Variants in TBL1Y observed in about 807,000 individuals in gnomAD.
The protein encoded by TBL1Y is transducin beta like 1 Y-linked.
A neutral mutation model predicts 12.0 loss-of-function variants in TBL1Y; 15 were observed. The ratio of observed to expected loss-of-function variants is 1.25; its 90% CI spans 0.83 to 1.92. The LOEUF (loss-of-function observed/expected upper bound fraction) is 1.92. Ranked by LOEUF, TBL1Y falls within the 40% of genes most tolerant of loss-of-function variation. The probability of loss-of-function intolerance (pLI) is 0.00; values close to 1 mark genes in which losing one functional copy is unlikely to be tolerated. For synonymous variants in TBL1Y, 53 were observed against 42.6 expected, an observed-to-expected ratio of 1.24 and a Z score of -0.95; for missense variants, 148 against 116.7, an observed-to-expected ratio of 1.27 and a Z score of -1.24.
chrY:7,075,124 A>G, intron 13 of TBL1Y, among the ~76,000 whole-genome samples: 1 of 32,840 alleles, frequency 3.0e-5, no homozygotes, highest in Non-Finnish European at 7.5e-5. Context: ...ATGGGAGGGT[A>G]ACCTCCAGGA....
At chrY:7,019,612 A>C in intron 4 of TBL1Y, among the ~76,000 whole-genome samples, 1 of 33,765 alleles carries the variant, frequency 3.0e-5, no homozygotes, top group African/African-American at 1.2e-4. Flanking sequence ...TTTACAAGCA[A>C]TTTGGAATTT....
At chrY:6,924,659 C>CA (rs2011814705) in intron 2 of TBL1Y, among the ~76,000 whole-genome samples, 1 of 31,301 alleles carries the variant, frequency 3.2e-5, no homozygotes, top group Non-Finnish European at 7.7e-5. Context: ...GTCTGCCATG[C>CA]AAAAATTGGT....
intron 5 of TBL1Y, 60 bp downstream of exon 5, chrY:7,021,597 C>A (rs1011556172): frequency 3.0e-5 from 1 of 33,520 alleles, no homozygotes; most frequent in East Asian, 7.9e-4. Context: ...ATTTCAGGAG[C>A]AAAACTGCAT....
intron 8 of TBL1Y, 31 bp from the exon 9 acceptor site, chrY:7,070,165 G>A: frequency 2.5e-6 from 1 of 395,507 alleles, no homozygotes; most frequent in Non-Finnish European, 3.6e-6. Context: ...GTATTGGTAA[G>A]CCATATGTCT....
intron 13 of TBL1Y, among the ~76,000 whole-genome samples, chrY:7,076,073 C>T (rs2013060783): frequency 3.2e-5 from 1 of 31,342 alleles, no homozygotes; most frequent in African/African-American, 1.3e-4. Context: ...CAATTAGAGG[C>T]ACCCGCCACC....
chrY:7,019,046 G>C (rs2012569498), intron 4 of TBL1Y, among the ~76,000 whole-genome samples: 1 of 33,151 alleles, frequency 3.0e-5, no homozygotes, highest in African/African-American at 1.2e-4. Context: ...CATGCCAAGA[G>C]GGGAGGACTA....
intron 2 of TBL1Y, among the ~76,000 whole-genome samples, chrY:6,977,217 G>A: frequency 3.0e-5 from 1 of 33,234 alleles, no homozygotes; most frequent in Admixed American, 2.8e-4. Context: ...TTAAGCAGGT[G>A]TAGACAGATT....
chrY:6,963,072 A>G (rs2012142505), intron 2 of TBL1Y, among the ~76,000 whole-genome samples: 1 of 33,342 alleles, frequency 3.0e-5, no homozygotes, highest in African/African-American at 1.2e-4. Flanking sequence ...TGATCTCTGC[A>G]TGCCACTGTT....
At chrY:6,912,688 G>A (rs2124088569) in intron 2 of TBL1Y, among the ~76,000 whole-genome samples, 1 of 32,488 alleles carries the variant, frequency 3.1e-5, no homozygotes, top group South Asian at 7.1e-4. Context: ...AAAGTTAGCA[G>A]GGATGATGCC....
At chrY:7,060,163 C>T in intron 7 of TBL1Y, among the ~76,000 whole-genome samples, 1 of 33,297 alleles carries the variant, frequency 3.0e-5, no homozygotes, top group Non-Finnish European at 7.4e-5. Context: ...TATTTTTACC[C>T]TTTTAATGTA....
intron 10 of TBL1Y, 142 bp downstream of exon 10, chrY:7,071,003 G>T (rs2013028179): frequency 5.1e-6 from 1 of 195,779 alleles, no homozygotes; most frequent in South Asian, 5.9e-5. Flanking sequence ...TAGCCACAGA[G>T]GTGGTCTTGG....
chrY:6,998,194 C>T, intron 4 of TBL1Y, among the ~76,000 whole-genome samples: 1 of 33,902 alleles, frequency 2.9e-5, no homozygotes, highest in Non-Finnish European at 7.3e-5. Context: ...AGCTGCCTAT[C>T]GCGTTCCTGT....
chrY:7,009,972 G>A lies in TBL1Y; in HGVS notation c.-139-11477G>A. Among the ~76,000 whole-genome samples the A allele has an allele frequency of 1.4e-4, 4 of 29,129 alleles. No homozygotes were observed. In the East Asian group the frequency reaches 2.7e-3, roughly 20 times the overall value. The allele number at this position is 29,129 out of a possible 37,273, so 78.2% of individuals were successfully genotyped here. A position where few individuals can be genotyped will look rare whatever the true frequency, so the allele number is the denominator to read the frequency against. ...CTGGAACCTGGAAAGTGGAGGTTGC[G>A]GTGATCTGAGTTTGTGCCATTGCAC... is the stretch of plus-strand genomic sequence containing the variant. On this transcript the variant is annotated intron_variant, in intron 4 of 18. Transcript: ENST00000383032.
chrY:7,064,639 G>C, intron 8 of TBL1Y, among the ~76,000 whole-genome samples: 7 of 33,718 alleles, frequency 2.1e-4, no homozygotes, highest in Admixed American at 1.9e-3. Context: ...TACATGGTAA[G>C]TCAGTGAGTC....
chrY:6,989,419 G>A (rs2012348150), intron 3 of TBL1Y, among the ~76,000 whole-genome samples: 1 of 33,181 alleles, frequency 3.0e-5, no homozygotes, highest in Non-Finnish European at 7.4e-5. Flanking sequence ...TCTCAAAGTG[G>A]GTGACTTTGT....
intron 3 of TBL1Y, among the ~76,000 whole-genome samples, chrY:6,985,024 A>G (rs2012308380): frequency 3.0e-5 from 1 of 33,784 alleles, no homozygotes; most frequent in Non-Finnish European, 7.4e-5. Context: ...ATTATAAAAG[A>G]ATGCCTCTCC....
intron 2 of TBL1Y, among the ~76,000 whole-genome samples, chrY:6,945,889 G>T (rs1004013553): frequency 5.9e-5 from 2 of 33,919 alleles, no homozygotes; most frequent in Admixed American, 5.3e-4. Context: ...AGTCTTAAGA[G>T]TATAGCTGCA....
At chrY:7,027,606 C>T (rs1603040691) in intron 6 of TBL1Y, among the ~76,000 whole-genome samples, 1 of 31,986 alleles carries the variant, frequency 3.1e-5, no homozygotes, top group Admixed American at 2.9e-4. Context: ...GGCATGAACC[C>T]GGGAGGCAGA....
intron 2 of TBL1Y, among the ~76,000 whole-genome samples, chrY:6,960,373 T>C: frequency 2.9e-5 from 1 of 34,017 alleles, no homozygotes; most frequent in South Asian, 6.7e-4. Context: ...TAGTATAATA[T>C]GGCTTATGAT....
Sources: gnomAD v4.1 joint callset for allele counts (sites outside exome capture counted in the v4.1 genomes callset) on GRCh38, gnomAD v4.1.1 for gene constraint, MANE v1.5 for transcripts, NCBI Gene and HGNC (gene_info 2026-07-23, HGNC 2026-07-21) for gene names.